Variants in PPP1R12A observed in about 807,000 individuals in gnomAD.
PPP1R12A encodes myosin binding subunit.
PPP1R12A carries 19 observed loss-of-function variants against 139.6 expected under a neutral mutation model. The ratio of observed to expected loss-of-function variants is 0.14; its 90% CI spans 0.09 to 0.20. The LOEUF is 0.20. Ranked by LOEUF, PPP1R12A falls within the 10% of genes least tolerant of loss-of-function variation. The pLI is 1.00. For synonymous variants in PPP1R12A, 427 were observed against 420.6 expected, an observed-to-expected ratio of 1.02 and a Z score of -0.19; for missense variants, 925 against 1,211.5, an observed-to-expected ratio of 0.76 and a Z score of 3.51.
intron 24 of PPP1R12A, 138 bp from the exon 25 acceptor site, chr12:79,776,153 C>A: frequency 2.0e-6 from 1 of 496,870 alleles, no homozygotes; most frequent in Non-Finnish European, 3.4e-6. Context: ...GTATCTAAAA[C>A]ATGTATCAGG....
intron 2 of PPP1R12A, among the ~76,000 whole-genome samples, chr12:79,868,745 A>G (rs1013112806): frequency 6.6e-6 from 1 of 152,088 alleles, no homozygotes; most frequent in African/African-American, 2.4e-5. Context: ...CGCTTCTCCA[A>G]ATAGAGTCAC....
At chr12:79,803,216 A>G (rs552601986) in intron 14 of PPP1R12A, among the ~76,000 whole-genome samples, 2 of 152,366 alleles carry the variant, frequency 1.3e-5, no homozygotes, top group East Asian at 3.9e-4. Flanking sequence ...TTATTTGATA[A>G]TTACCACCTA....
intron 19 of PPP1R12A, among the ~76,000 whole-genome samples, chr12:79,793,402 A>T (rs532590242): frequency 5.9e-5 from 9 of 152,342 alleles, no homozygotes; most frequent in Non-Finnish European, 8.8e-5. Flanking sequence ...AGATGCCTAT[A>T]TTCTCCAGAA....
chr12:79,928,198 T>C (rs542857753), intron 1 of PPP1R12A, among the ~76,000 whole-genome samples: 3 of 152,332 alleles, frequency 2.0e-5, no homozygotes, highest in East Asian at 3.9e-4. Flanking sequence ...TACCTGGCTA[T>C]AGAAAATGCT....
chr12:79,891,116 T>C lies in PPP1R12A; in HGVS notation c.238-18178A>G, dbSNP rs55989847. 7.1e-3 allele frequency among the ~76,000 whole-genome samples: 1,073 copies of C among 152,134 alleles called. 10 individuals carry two copies. The highest frequency in any genetic ancestry group is 0.012 in the Non-Finnish European group (818 of 67,996). On this transcript the variant is annotated intron_variant, in intron 1 of 24. Coordinates refer to ENST00000450142, the MANE Select transcript of PPP1R12A (RefSeq NM_002480.3). ...CCTTTTCAGAAAGAAAGAGCAAAGA[T>C]ATGTATAAGAGAGACTGAGAACCTA...
At chr12:79,814,599 T>A (rs532854622) in intron 9 of PPP1R12A, among the ~76,000 whole-genome samples, 11 of 147,696 alleles carry the variant, frequency 7.4e-5, no homozygotes, top group African/African-American at 2.8e-4. Context: ...GTGGATCACC[T>A]GAGGTCAGGA....
intron 5 of PPP1R12A, among the ~76,000 whole-genome samples, chr12:79,825,716 A>G (rs1455533066): frequency 6.6e-6 from 1 of 151,832 alleles, no homozygotes; most frequent in East Asian, 1.9e-4. Context: ...TTTTAAAACA[A>G]TTTAGTAATA....
chr12:79,800,984 C>T (rs1320348807), intron 14 of PPP1R12A, among the ~76,000 whole-genome samples: 4 of 151,720 alleles, frequency 2.6e-5, no homozygotes. Context: ...CCGCCCACCT[C>T]AGCCTCCCAA....
chr12:79,915,942 A>G (rs1034848940), intron 1 of PPP1R12A, among the ~76,000 whole-genome samples: 9 of 151,538 alleles, frequency 5.9e-5, no homozygotes, highest in Non-Finnish European at 8.8e-5. Flanking sequence ...TACAAAAAAA[A>G]TCAAGCTATA....
At chr12:79,902,546 T>C (rs1287296648) in intron 1 of PPP1R12A, among the ~76,000 whole-genome samples, 1 of 152,084 alleles carries the variant, frequency 6.6e-6, no homozygotes, top group African/African-American at 2.4e-5. Context: ...AGAGATTTTT[T>C]AAATGGATAT....
At chr12:79,916,441 A>G (rs1054172678) in intron 1 of PPP1R12A, among the ~76,000 whole-genome samples, 2 of 152,200 alleles carry the variant, frequency 1.3e-5, no homozygotes, top group Non-Finnish European at 2.9e-5. Flanking sequence ...GGGGCAAAAG[A>G]GCATACTGTA....
intron 21 of PPP1R12A, 112 bp downstream of exon 21, chr12:79,788,536 A>T (rs1336253717): frequency 9.2e-7 from 1 of 1,086,018 alleles, no homozygotes; most frequent in Non-Finnish European, 1.3e-6. Context: ...AAAACTGAAA[A>T]TAAGTTATTT....
intron 2 of PPP1R12A, among the ~76,000 whole-genome samples, chr12:79,865,498 G>A (rs1271409447): frequency 6.6e-6 from 1 of 152,098 alleles, no homozygotes; most frequent in Admixed American, 6.6e-5. Flanking sequence ...GCAATAAAAC[G>A]TATTCAAATA....
chr12:79,825,339 G>A (rs1168459911), intron 5 of PPP1R12A: 7 of 151,926 alleles, frequency 4.6e-5, no homozygotes, highest in African/African-American at 1.7e-4. Flanking sequence ...ATTCCAACCA[G>A]AAAAGCATTC....
intron 9 of PPP1R12A, among the ~76,000 whole-genome samples, chr12:79,816,408 G>A (rs1052159259): frequency 1.3e-5 from 2 of 151,384 alleles, no homozygotes; most frequent in African/African-American, 4.9e-5. Context: ...CAAGGGTTTG[G>A]TTAAAAAAAA....
At chr12:79,785,946 A>C (rs889487123) in intron 22 of PPP1R12A, among the ~76,000 whole-genome samples, 1 of 152,214 alleles carries the variant, frequency 6.6e-6, no homozygotes, top group Non-Finnish European at 1.5e-5. Context: ...AGGAACTTAC[A>C]AAAGGAGTTA....
intron 22 of PPP1R12A, chr12:79,782,505 C>G: frequency 2.3e-6 from 1 of 444,028 alleles, no homozygotes; most frequent in Non-Finnish European, 4.5e-6. Flanking sequence ...CAGCTCAAAG[C>G]TGATGAAATC....
chr12:79,807,255 T>G lies in PPP1R12A; in HGVS notation c.1626A>C (p.Ser542=), dbSNP rs950926149. ...TATGATACGTTGATCCTTCATTAAC[T>G]GAGCTATTTTTTTTAAGATCATCTT... ...KWEDDLKKNS[S]VNEGSTYHKS... The change falls in exon 12 of 25, where the codon TCA becomes TCC. Residue 542 remains serine (S), a synonymous_variant. Coordinates refer to ENST00000450142, the MANE Select transcript of PPP1R12A (RefSeq NM_002480.3). 11 of 1,548,838 alleles carry G rather than the reference T, an allele frequency of 7.1e-6. No individual in the cohort carries two copies. The highest frequency in any genetic ancestry group is 9.6e-6 in the Non-Finnish European group (11 of 1,143,612).
At chr12:79,878,974 A>ATTT (rs1392537891) in intron 1 of PPP1R12A, among the ~76,000 whole-genome samples, 1 of 152,172 alleles carries the variant, frequency 6.6e-6, no homozygotes, top group Non-Finnish European at 1.5e-5. Context: ...ACCCACTTTT[A>ATTT]TTTTCTTCCT....
Sources: gnomAD v4.1 joint callset for allele counts (sites outside exome capture counted in the v4.1 genomes callset) on GRCh38, gnomAD v4.1.1 for gene constraint, MANE v1.5 for transcripts, NCBI Gene and HGNC (gene_info 2026-07-23, HGNC 2026-07-21) for gene names.